The following MXD4 variants were observed in gnomAD, a reference collection of about 807,000 sequenced individuals.
MXD4 encodes Mad4 homolog.
Under a neutral mutation model 24.5 loss-of-function variants are expected in MXD4, and 16 were observed. The observed-to-expected ratio is 0.65, with a 90% confidence interval of 0.44 to 0.99. MXD4 has a LOEUF of 0.99. Ranked by LOEUF, MXD4 falls within the 50% of genes least tolerant of loss-of-function variation. The probability of loss-of-function intolerance (pLI) is 0.00; values close to 1 mark genes in which losing one functional copy is unlikely to be tolerated. For missense variants in MXD4, 301 were observed against 301.5 expected, an observed-to-expected ratio of 1.00 and a Z score of 0.01; for synonymous variants, 164 against 134.2, an observed-to-expected ratio of 1.22 and a Z score of -1.54.
rs144064377 is a variant in MXD4, at chr4:2,254,855, G to T, written c.195-2333C>A. The T allele has an allele frequency of 1.8e-5, 3 of 167,966 alleles. No individual in the cohort carries two copies. In the South Asian group the frequency reaches 3.9e-4, roughly 22 times the overall value. 10.4% of individuals were successfully genotyped at this position (167,966 alleles called of 1,614,324 possible). A position where few individuals can be genotyped will look rare whatever the true frequency, so the allele number is the denominator to read the frequency against. On this transcript the variant is annotated intron_variant, in intron 3 of 5. Transcript: ENST00000337190. The stretch of plus-strand genomic sequence containing the variant: ...GCTCCTGCGCCAGCCACTTCGAGGG[G>T]TCGTTGATGGTTTGCTGGTGGGAGA...
chr4:2,258,748 G>A, intron 2 of MXD4: 1 of 362,528 alleles, frequency 2.8e-6, no homozygotes, highest in Non-Finnish European at 5.6e-6. Flanking sequence ...AGATGTGGAT[G>A]CTTCCCAGGC....
chr4:2,251,256 A>G lies in MXD4; in HGVS notation c.310-10T>C, dbSNP rs1289716105. ...CCTGCTCCTCCAGTTTCTGGGGTCG[A>G]GGGGGGCTGTGAGCTCACAGCGGGA... On this transcript the variant is annotated splice_polypyrimidine_tract_variant and intron_variant, in intron 4 of 5. Coordinates refer to ENST00000337190, the MANE Select transcript of MXD4 (RefSeq NM_006454.3). The G allele has an allele frequency of 1.3e-6, 2 of 1,579,342 alleles. No individual in the cohort carries two copies. The highest frequency in any genetic ancestry group is 1.7e-6 in the Non-Finnish European group (2 of 1,158,312).
chr4:2,252,894 C>A (rs930386203), intron 3 of MXD4: 2 of 223,834 alleles, frequency 8.9e-6, no homozygotes, highest in Non-Finnish European at 9.1e-6. Flanking sequence ...CAGGCTGCAC[C>A]GAGATCTGGA....
chr4:2,261,985 C>G lies in MXD4; in HGVS notation c.-5G>C. On this transcript the variant is annotated 5_prime_UTR_variant, in exon 1 of 6. Coordinates refer to ENST00000337190, the MANE Select transcript of MXD4 (RefSeq NM_006454.3). ...CAGCAGGGAGTTCAGCTCCATCCTC[C>G]CGCCCGCGCCCGTCCGCCCCGGGAC... The G allele has an allele frequency of 7.6e-7, 1 of 1,321,262 alleles. No individual in the cohort carries two copies. Among genetic ancestry groups the G allele is most frequent in the Non-Finnish European group, 9.7e-7 (1 of 1,027,814 alleles). 81.8% of individuals were successfully genotyped at this position (1,321,262 alleles called of 1,614,324 possible).
At chr4:2,261,629 G>A (rs1735547703) in intron 2 of MXD4, 96 bp downstream of exon 2, 5 of 701,092 alleles carry the variant, frequency 7.1e-6, no homozygotes, top group Non-Finnish European at 9.1e-6. Flanking sequence ...GCGGCGCTGA[G>A]GGCCGCGGGC....
At chr4:2,253,470 T>C (rs1409175706) in intron 3 of MXD4, 1 of 152,204 alleles carries the variant, frequency 6.6e-6, no homozygotes, top group East Asian at 1.9e-4. Flanking sequence ...TGCTTCCAAA[T>C]ATAGGACACT....
At position 2,250,524 on chromosome 4, in the gene MXD4, A is replaced by G. The variant is rs1735296046; in HGVS notation, c.*20T>C. The G allele has an allele frequency of 6.5e-7, 1 of 1,544,126 alleles. No individual in the cohort carries two copies. Among genetic ancestry groups the G allele is most frequent in the Non-Finnish European group, 8.7e-7 (1 of 1,145,846 alleles). On this transcript the variant is annotated 3_prime_UTR_variant, in exon 6 of 6. Coordinates refer to ENST00000337190, the MANE Select transcript of MXD4 (RefSeq NM_006454.3). ...CGCGTGGCTGGCGGGCAGGCAGGCC[A>G]AGGAGCAGAGGGCACGGGCCTACGA...
chr4:2,256,681 C>G (rs1398952777), intron 3 of MXD4, among the ~76,000 whole-genome samples: 1 of 152,180 alleles, frequency 6.6e-6, no homozygotes, highest in African/African-American at 2.4e-5. Context: ...CTCAAGAAGG[C>G]CCCATGAGGC....
At chr4:2,257,529 A>G (rs1735455193) in intron 3 of MXD4, among the ~76,000 whole-genome samples, 1 of 152,228 alleles carries the variant, frequency 6.6e-6, no homozygotes, top group South Asian at 2.1e-4. Flanking sequence ...GCTCGCCTGA[A>G]TCCTGCCCTA....
At chr4:2,260,948 G>A (rs1291386247) in intron 2 of MXD4, among the ~76,000 whole-genome samples, 1 of 152,308 alleles carries the variant, frequency 6.6e-6, no homozygotes, top group East Asian at 1.9e-4. Flanking sequence ...CCCACGCGGG[G>A]GACCTGTACG....
intron 5 of MXD4, 35 bp downstream of exon 5, chr4:2,251,049 G>T: frequency 6.6e-7 from 1 of 1,514,952 alleles, no homozygotes. Context: ...GCACCCGGAG[G>T]CCCAGGTGAG....
chr4:2,252,393 G>A lies in MXD4; in HGVS notation c.309+15C>T. The A allele has an allele frequency of 1.3e-6, 2 of 1,598,954 alleles. No individual in the cohort carries two copies. On this transcript the variant is annotated intron_variant, in intron 4 of 5. Coordinates refer to ENST00000337190, the MANE Select transcript of MXD4 (RefSeq NM_006454.3). The stretch of plus-strand genomic sequence containing the variant: ...GCAGCCAGACAGGGCAGGGTGGAGA[G>A]CAAGGCCCACTCACCTTGATGTGCA...
Position 2,261,931 on chromosome 4 carries a change from TC to T in MXD4, c.49del (p.Glu17SerfsTer45), listed in dbSNP as rs1357595576. 2 of 1,462,190 alleles carry T rather than the reference TC, an allele frequency of 1.4e-6. No homozygotes were observed. Among genetic ancestry groups the T allele is most frequent in the Non-Finnish European group, 9.0e-7 (1 of 1,105,528 alleles). 90.6% of individuals were successfully genotyped at this position (1,462,190 alleles called of 1,614,324 possible). A position where few individuals can be genotyped will look rare whatever the true frequency, so the allele number is the denominator to read the frequency against. On this transcript the variant is annotated frameshift_variant, in exon 1 of 6. Transcript: ENST00000337190. LOFTEE classifies it high-confidence loss of function. Reference sequence around the variant, plus strand: ...GCGAGCGCTACCTCGATCCCTGCGCTCCAGGTACTCGGCCGCCTCCAGCAGG... The same window carrying T: ...GCGAGCGCTACCTCGATCCCTGCGCTCAGGTACTCGGCCGCCTCCAGCAGG... ...LILLEAAEYL[E>X]RRDREAEHGY...
chr4:2,247,471 G>A lies in MXD4; in HGVS notation c.*3073C>T, dbSNP rs910240183. The A allele has an allele frequency of 1.3e-5, 2 of 152,300 alleles. No homozygotes were observed. The highest frequency in any genetic ancestry group is 2.9e-5 in the Non-Finnish European group (2 of 68,066). The allele number at this position is 152,300 out of a possible 1,614,324, so 9.4% of individuals were successfully genotyped here. A position where few individuals can be genotyped will look rare whatever the true frequency, so the allele number is the denominator to read the frequency against. On this transcript the variant is annotated 3_prime_UTR_variant, in exon 6 of 6. Coordinates refer to ENST00000337190, the MANE Select transcript of MXD4 (RefSeq NM_006454.3). The stretch of plus-strand genomic sequence containing the variant: ...CTGTATTTATATTACAATGACATAA[G>A]GACACAGCACGGCCCACACGGTGGA...
chr4:2,253,601 C>T (rs1735365714), intron 3 of MXD4: 1 of 152,226 alleles, frequency 6.6e-6, no homozygotes, highest in Admixed American at 6.5e-5. Context: ...ACGTGACTTT[C>T]CCCACGTGGT....
chr4:2,252,648 G>T (rs544836420), intron 3 of MXD4, 126 bp from the exon 4 acceptor site: 2 of 662,270 alleles, frequency 3.0e-6, no homozygotes, highest in African/African-American at 3.6e-5. Flanking sequence ...CCTCTCTAAG[G>T]ATCCCCTCCT....
At chr4:2,257,811 G>A (rs1735460896) in intron 3 of MXD4, among the ~76,000 whole-genome samples, 171 bp downstream of exon 3, 1 of 152,222 alleles carries the variant, frequency 6.6e-6, no homozygotes, top group South Asian at 2.1e-4. Context: ...CAGAGTGCCT[G>A]AAACAGACCT....
chr4:2,261,109 G>A (rs771750484), intron 2 of MXD4, among the ~76,000 whole-genome samples: 5 of 152,230 alleles, frequency 3.3e-5, no homozygotes, highest in Non-Finnish European at 5.9e-5. Flanking sequence ...TAAAAAAGAG[G>A]ACCCCCATAC....
At chr4:2,261,665 C>G in intron 2 of MXD4, 60 bp downstream of exon 2, 1 of 1,038,178 alleles carries the variant, frequency 9.6e-7, no homozygotes, top group Non-Finnish European at 1.2e-6. Flanking sequence ...GGAGAGCACG[C>G]TCCGGGCGGG....
Sources: allele counts gnomAD v4.1 joint callset (sites outside exome capture counted in the v4.1 genomes callset), GRCh38; gene constraint gnomAD v4.1.1; transcripts MANE v1.5; gene names NCBI Gene and HGNC (gene_info 2026-07-23, HGNC 2026-07-21).